The following COL19A1 variants were observed in gnomAD, a reference collection of about 807,000 sequenced individuals.
COL19A1 encodes the protein collagen alpha-1(XIX) chain.
Under a neutral mutation model 190.2 loss-of-function variants are expected in COL19A1, and 159 were observed. The ratio of observed to expected loss-of-function variants is 0.84; its 90% CI spans 0.73 to 0.95. COL19A1 has a LOEUF of 0.95. Among genes scored for constraint, COL19A1 ranks in the 40% least tolerant of loss-of-function variants. The probability of loss-of-function intolerance (pLI) is 0.00; values close to 1 mark genes in which losing one functional copy is unlikely to be tolerated. For missense variants in COL19A1, 1,418 were observed against 1,431.9 expected, an observed-to-expected ratio of 0.99 and a Z score of 0.16; for synonymous variants, 509 against 458.9, an observed-to-expected ratio of 1.11 and a Z score of -1.39.
At chr6:70,046,679 A>G (rs930547430) in intron 14 of COL19A1, among the ~76,000 whole-genome samples, 2 of 80,954 alleles carry the variant, frequency 2.5e-5, no homozygotes, top group African/African-American at 1.8e-4. Flanking sequence ...ACAAAGTTTA[A>G]ATTAAAATGT....
intron 44 of COL19A1, 60 bp from the exon 45 acceptor site, chr6:70,184,643 T>C: frequency 1.5e-6 from 2 of 1,336,084 alleles, no homozygotes; most frequent in South Asian, 2.6e-5. Context: ...CCTTATGCTT[T>C]TGTTGTGTTT....
Position 70,142,761 on chromosome 6 carries a change from T to G in COL19A1, c.1573-6T>G. On this transcript the variant is annotated splice_polypyrimidine_tract_variant and splice_region_variant and intron_variant, in intron 22 of 50. Transcript: ENST00000620364. ...AAGCTAAAGTATATACCACCTTTTA[T>G]TTTAGGGTCAGCAAGGATCTGCAGG... 6.2e-7 allele frequency: 1 copy of G among 1,610,682 alleles called. No individual in the cohort carries two copies. Among genetic ancestry groups the G allele is most frequent in the East Asian group, 2.2e-5 (1 of 44,802 alleles).
chr6:69,882,464 C>T (rs1197936289), intron 2 of COL19A1, among the ~76,000 whole-genome samples: 1 of 152,144 alleles, frequency 6.6e-6, no homozygotes, highest in Non-Finnish European at 1.5e-5. Context: ...TCAAAACTTG[C>T]TTTAATTAGT....
Position 69,921,445 on chromosome 6 carries a change from C to CAT in COL19A1, c.267-6459_267-6458dup, listed in dbSNP as rs1554166250. On this transcript the variant is annotated intron_variant, in intron 4 of 50. Coordinates refer to ENST00000620364, the MANE Select transcript of COL19A1 (RefSeq NM_001858.6). ...TATATATCATATATATCATATATAT[C>CAT]ATATATCATATATATCATATATATT... Among the ~76,000 whole-genome samples, 259 of 27,148 alleles carry CAT rather than the reference C, an allele frequency of 9.5e-3. 7 individuals are homozygous for CAT. Among genetic ancestry groups the CAT allele is most frequent in the Middle Eastern group, 0.045 (1 of 22 alleles). The allele number at this position is 27,148 out of a possible 152,430, so 17.8% of individuals were successfully genotyped here.
At chr6:69,963,460 A>C (rs2150047572) in intron 11 of COL19A1, among the ~76,000 whole-genome samples, 1 of 152,300 alleles carries the variant, frequency 6.6e-6, no homozygotes, top group South Asian at 2.1e-4. Context: ...GAGACAGAGA[A>C]AAGTGTGTGG....
chr6:70,163,395 AG>A lies in COL19A1; in HGVS notation c.2400+1del. On this transcript the variant is annotated frameshift_variant and splice_region_variant, in exon 36 of 51. Transcript: ENST00000620364. LOFTEE classifies it high-confidence loss of function. ...HPGPTGAKGE[K>X]GSDGPPGKPG... is the part of the protein sequence containing the mutation. ...GGTCCCACAGGAGCAAAAGGTGAAA[AG>A]GTACAAAGGAAAAGCCTCACTTACC... 1 of 1,611,048 alleles carries A rather than the reference AG, an allele frequency of 6.2e-7. No homozygotes were observed. The highest frequency in any genetic ancestry group is 8.5e-7 in the Non-Finnish European group (1 of 1,178,400).
At chr6:69,962,922 A>G (rs994060316) in intron 11 of COL19A1, 52 bp downstream of exon 11, 2 of 1,434,802 alleles carry the variant, frequency 1.4e-6, no homozygotes, top group South Asian at 1.2e-5. Flanking sequence ...GTTCTTGAAA[A>G]TGTTTTGAAA....
intron 6 of COL19A1, among the ~76,000 whole-genome samples, chr6:69,931,852 T>TC (rs774586629): frequency 6.6e-6 from 1 of 151,922 alleles, no homozygotes; most frequent in Non-Finnish European, 1.5e-5. Flanking sequence ...TATAGATTTT[T>TC]CCCCCCTTTT....
intron 2 of COL19A1, among the ~76,000 whole-genome samples, chr6:69,885,083 C>T (rs188166931): frequency 1.2e-4 from 18 of 152,172 alleles, no homozygotes; most frequent in African/African-American, 3.9e-4. Flanking sequence ...AGGCTGGTCT[C>T]GAACTCCTGA....
chr6:69,936,754 C>A, intron 7 of COL19A1, 31 bp from the exon 8 acceptor site: 1 of 1,609,786 alleles, frequency 6.2e-7, no homozygotes, highest in Non-Finnish European at 8.5e-7. Context: ...GGAATTGACC[C>A]CATTTCCTAA....
At chr6:70,046,260 C>T (rs566205888) in intron 14 of COL19A1, among the ~76,000 whole-genome samples, 2 of 152,214 alleles carry the variant, frequency 1.3e-5, no homozygotes, top group Non-Finnish European at 2.9e-5. Context: ...TTTCAGTAGC[C>T]AATTAATGGT....
chr6:70,199,723 C>A lies in COL19A1; in HGVS notation c.3210C>A (p.Asp1070Glu). Residue 1070 changes from aspartate to glutamate, a missense_variant, in exon 49 of 51, where the codon GAC becomes GAA. Asp to Glu is a conservative substitution (Grantham distance 45). Coordinates refer to ENST00000620364, the MANE Select transcript of COL19A1 (RefSeq NM_001858.6). ...GKDGLPGPPG[D>E]PGPQGYRGQK... Reference sequence around the variant, plus strand: ...ATGGGTTGCCTGGGCCACCAGGAGACCCTGGACCCCAAGGTAAGTCTTCAA... The same window carrying A: ...ATGGGTTGCCTGGGCCACCAGGAGAACCTGGACCCCAAGGTAAGTCTTCAA... 6.2e-7 allele frequency: 1 copy of A among 1,608,434 alleles called. No individual in the cohort carries two copies. Among genetic ancestry groups the A allele is most frequent in the Non-Finnish European group, 8.5e-7 (1 of 1,177,078 alleles).
At chr6:70,165,830 G>A in intron 36 of COL19A1, 111 bp from the exon 37 acceptor site, 1 of 980,008 alleles carries the variant, frequency 1.0e-6, no homozygotes, top group Non-Finnish European at 1.6e-6. Context: ...GAAACAACAT[G>A]GCAAGTCATA....
In COL19A1 at chr6:70,207,188, G is replaced by A. The variant is rs1481119291; in HGVS notation, c.3343G>A (p.Gly1115Ser). 2 of 1,613,318 alleles carry A rather than the reference G, an allele frequency of 1.2e-6. No individual in the cohort carries two copies. Among genetic ancestry groups the A allele is most frequent in the African/African-American group, 1.3e-5 (1 of 74,832 alleles). ...PGSPGAPGPQGPPGPSGRCNP... is the reference protein window; with the variant it reads ...PGSPGAPGPQSPPGPSGRCNP... The stretch of plus-strand genomic sequence containing the variant: ...CTCACCAGGTGCCCCAGGCCCACAG[G>A]GCCCCCCAGGACCCAGTGGAAGATG... The change falls in exon 51 of 51, where the codon GGC (glycine) becomes AGC (serine). Residue 1115 changes from glycine to serine, a missense_variant. By Grantham distance (56) the Gly-to-Ser change is moderately conservative (BLOSUM62 0). Coordinates refer to ENST00000620364, the MANE Select transcript of COL19A1 (RefSeq NM_001858.6).
In COL19A1 at chr6:70,068,646, C is replaced by A. The variant is rs1781386448; in HGVS notation, c.1224+170C>A. On this transcript the variant is annotated intron_variant, in intron 15 of 50. Coordinates refer to ENST00000620364, the MANE Select transcript of COL19A1 (RefSeq NM_001858.6). ...AGATTTTGACAGAGGTTTTGCAATTCAGAAAATTCTATATTTTTCAAGATT... is the reference window on the plus strand; with the variant it reads ...AGATTTTGACAGAGGTTTTGCAATTAAGAAAATTCTATATTTTTCAAGATT... Among the ~76,000 whole-genome samples the A allele has an allele frequency of 2.0e-5, 3 of 152,006 alleles. No individual in the cohort carries two copies. The South Asian group carries it at 6.2e-4, about 32-fold the overall frequency.
At chr6:69,994,892 A>T (rs1776814245) in intron 11 of COL19A1, among the ~76,000 whole-genome samples, 1 of 152,030 alleles carries the variant, frequency 6.6e-6, no homozygotes, top group Non-Finnish European at 1.5e-5. Flanking sequence ...AGCATATCTG[A>T]CCCTGCCCAC....
intron 14 of COL19A1, among the ~76,000 whole-genome samples, chr6:70,065,119 T>A (rs1322486953): frequency 6.6e-6 from 1 of 152,166 alleles, no homozygotes; most frequent in South Asian, 2.1e-4. Context: ...TTAAAGTTCG[T>A]ATGGAACCAA....
chr6:70,023,530 C>T, intron 11 of COL19A1, 97 bp from the exon 12 acceptor site: 2 of 936,628 alleles, frequency 2.1e-6, no homozygotes, highest in Non-Finnish European at 3.2e-6. Context: ...GCAAAGTAAT[C>T]ATATTGTTAT....
chr6:70,068,593 T>C (rs1040328237), intron 15 of COL19A1, 117 bp downstream of exon 15: 1 of 596,828 alleles, frequency 1.7e-6, no homozygotes, highest in Non-Finnish European at 3.0e-6. Flanking sequence ...AGAGTATCAA[T>C]TATCCAAAGG....
Sources: gnomAD v4.1 joint callset for allele counts (sites outside exome capture counted in the v4.1 genomes callset) on GRCh38, gnomAD v4.1.1 for gene constraint, MANE v1.5 for transcripts, NCBI Gene and HGNC (gene_info 2026-07-23, HGNC 2026-07-21) for gene names.